The following FOXN3 variants were observed in gnomAD, a reference collection of about 807,000 sequenced individuals.
FOXN3 encodes forkhead box N3, also known as forkhead box protein N3.
In FOXN3, 7 loss-of-function variants were observed where a neutral mutation model predicts 38.4. The observed-to-expected ratio is 0.18, with a 90% CI of 0.10 to 0.34. The LOEUF (loss-of-function observed/expected upper bound fraction) is 0.34, where lower values mean the gene tolerates loss of function less well. Ranked by LOEUF, FOXN3 falls within the 10% of genes least tolerant of loss-of-function variation. FOXN3 has a pLI of 1.00. For missense variants in FOXN3, 456 were observed against 613.4 expected (o/e 0.74, Z 2.71); for synonymous variants, 230 against 242.2 (o/e 0.95, Z 0.47).
At chr14:89,588,730 T>C (rs148223073) in intron 1 of FOXN3, among the ~76,000 whole-genome samples, 120 of 152,312 alleles carry the variant, frequency 7.9e-4, no homozygotes, top group African/African-American at 2.7e-3. Flanking sequence ...AGTATGAAGA[T>C]ATGTGATTTA....
chr14:89,207,306 C>T (rs142312238), intron 4 of FOXN3, among the ~76,000 whole-genome samples: 170 of 152,030 alleles, frequency 1.1e-3, no homozygotes, highest in Admixed American at 1.9e-3. Context: ...CCATCAGTTA[C>T]AACGTATGGA....
intron 1 of FOXN3, among the ~76,000 whole-genome samples, chr14:89,519,994 T>C (rs1283353630): frequency 6.7e-6 from 1 of 149,600 alleles, no homozygotes; most frequent in East Asian, 2.0e-4. Flanking sequence ...GTCTGGGTTT[T>C]TCTTTTCTTT....
intron 1 of FOXN3, among the ~76,000 whole-genome samples, chr14:89,415,876 A>ACACACACACACACACACC (rs1352063588): frequency 1.4e-5 from 2 of 143,378 alleles, no homozygotes; most frequent in African/African-American, 5.2e-5. Context: ...ACACACACAC[A>ACACACACACACACACACC]CACACACCCT....
intron 1 of FOXN3, among the ~76,000 whole-genome samples, chr14:89,537,342 T>C (rs1646789378): frequency 6.6e-6 from 1 of 152,034 alleles, no homozygotes; most frequent in African/African-American, 2.4e-5. Flanking sequence ...GATGGATGCA[T>C]GGATGGACTG....
At chr14:89,494,055 AC>A (rs1438450664) in intron 1 of FOXN3, 1 of 151,926 alleles carries the variant, frequency 6.6e-6, no homozygotes, top group Admixed American at 6.6e-5. Context: ...GAATGCCGCA[AC>A]CCCCGACACA....
chr14:89,376,694 C>A (rs1566971886), intron 2 of FOXN3, among the ~76,000 whole-genome samples: 1 of 152,052 alleles, frequency 6.6e-6, no homozygotes, highest in Non-Finnish European at 1.5e-5. Context: ...TTAAGAAGCA[C>A]CCAGCATTGC....
intron 3 of FOXN3, among the ~76,000 whole-genome samples, chr14:89,317,847 G>A (rs1311312380): frequency 6.6e-6 from 1 of 151,130 alleles, no homozygotes. Flanking sequence ...TGTCCCATCA[G>A]CTGCAGCATT....
At chr14:89,546,931 C>T (rs1478004373) in intron 1 of FOXN3, among the ~76,000 whole-genome samples, 1 of 151,640 alleles carries the variant, frequency 6.6e-6, no homozygotes, top group Non-Finnish European at 1.5e-5. Flanking sequence ...TTACAAAGCA[C>T]CTGCCACCAC....
At chr14:89,200,406 C>T (rs529026210) in intron 4 of FOXN3, among the ~76,000 whole-genome samples, 5 of 152,298 alleles carry the variant, frequency 3.3e-5, no homozygotes, top group Non-Finnish European at 7.4e-5. Flanking sequence ...AAGTACAGAG[C>T]TCAAAGAGCA....
chr14:89,534,028 T>C (rs2139840202), intron 1 of FOXN3, among the ~76,000 whole-genome samples: 1 of 152,086 alleles, frequency 6.6e-6, no homozygotes, highest in South Asian at 2.1e-4. Context: ...TTCCTGGGAA[T>C]TTTGCCTGAC....
intron 1 of FOXN3, among the ~76,000 whole-genome samples, chr14:89,499,297 A>C (rs1893748679): frequency 6.6e-6 from 1 of 152,078 alleles, no homozygotes; most frequent in Non-Finnish European, 1.5e-5. Context: ...ATTTTGTCTG[A>C]AATAAGATGA....
At chr14:89,296,688 C>T (rs919247729) in intron 3 of FOXN3, among the ~76,000 whole-genome samples, 4 of 152,158 alleles carry the variant, frequency 2.6e-5, no homozygotes, top group African/African-American at 4.8e-5. Flanking sequence ...TAGGCTGGAG[C>T]GCAATGGCAC....
chr14:89,358,752 T>C (rs1596213273), intron 2 of FOXN3, among the ~76,000 whole-genome samples: 2 of 152,162 alleles, frequency 1.3e-5, no homozygotes, highest in Non-Finnish European at 2.9e-5. Context: ...ATGTGTGGGG[T>C]CAGTGAGAAA....
chr14:89,319,485 T>G (rs548396543), intron 3 of FOXN3, among the ~76,000 whole-genome samples: 1 of 152,078 alleles, frequency 6.6e-6, no homozygotes, highest in Non-Finnish European at 1.5e-5. Flanking sequence ...AGATTTTTAC[T>G]GGGGACTCTT....
intron 2 of FOXN3, among the ~76,000 whole-genome samples, chr14:89,377,902 A>G (rs1262881368): frequency 2.6e-4 from 39 of 152,214 alleles, no homozygotes; most frequent in Admixed American, 2.6e-3. Context: ...CCTTCTAAGA[A>G]GAGGTTTGGA....
intron 2 of FOXN3, among the ~76,000 whole-genome samples, chr14:89,391,876 A>C (rs1215852635): frequency 6.6e-6 from 1 of 152,154 alleles, no homozygotes; most frequent in Non-Finnish European, 1.5e-5. Context: ...GCATGGCGGC[A>C]TGTGCCCATA....
chr14:89,356,406 T>TATA (rs1490701038), intron 2 of FOXN3: 3 of 151,766 alleles, frequency 2.0e-5, no homozygotes, highest in East Asian at 3.9e-4. Context: ...CAAAAAAATA[T>TATA]ATAATAATAA....
At chr14:89,570,588 C>T (rs1185389016) in intron 1 of FOXN3, among the ~76,000 whole-genome samples, 5 of 152,168 alleles carry the variant, frequency 3.3e-5, no homozygotes. Context: ...CTTGTCCAAC[C>T]CACGGCCTGC....
At chr14:89,369,618 G>A (rs187399478) in intron 2 of FOXN3, among the ~76,000 whole-genome samples, 4 of 152,064 alleles carry the variant, frequency 2.6e-5, no homozygotes, top group African/African-American at 9.7e-5. Context: ...TCACAATCAT[G>A]GTGGAAGGCA....
Sources: allele counts gnomAD v4.1 joint callset (sites outside exome capture counted in the v4.1 genomes callset), GRCh38; gene constraint gnomAD v4.1.1; transcripts MANE v1.5; gene names NCBI Gene and HGNC (gene_info 2026-07-23, HGNC 2026-07-21).